The following DIAPH2 variants were observed in gnomAD, a reference collection of about 807,000 sequenced individuals.
The protein encoded by DIAPH2 is protein diaphanous homolog 2.
Under a neutral mutation model 92.7 loss-of-function variants are expected in DIAPH2, and 35 were observed. The ratio of observed to expected loss-of-function variants is 0.38; its 90% CI spans 0.29 to 0.50. The LOEUF (loss-of-function observed/expected upper bound fraction) is 0.50. Among genes scored for constraint, DIAPH2 ranks in the 20% least tolerant of loss-of-function variants. The probability of loss-of-function intolerance (pLI) is 0.94; values close to 1 mark genes in which losing one functional copy is unlikely to be tolerated. For missense variants in DIAPH2, 701 were observed against 819.5 expected, an observed-to-expected ratio of 0.86 and a Z score of 1.77; for synonymous variants, 301 against 280.4, an observed-to-expected ratio of 1.07 and a Z score of -0.73.
chrX:97,371,091 T>C (rs1479625002), intron 24 of DIAPH2, among the ~76,000 whole-genome samples: 2 of 112,049 alleles, frequency 1.8e-5, no homozygotes, highest in African/African-American at 6.5e-5. Flanking sequence ...CTCTTCTTTT[T>C]TGGGGAGGCA....
At chrX:97,494,891 C>T (rs1193421645) in intron 26 of DIAPH2, among the ~76,000 whole-genome samples, 1 of 112,501 alleles carries the variant, frequency 8.9e-6, no homozygotes, top group East Asian at 2.8e-4. Flanking sequence ...GGCTCTGTGC[C>T]TTCTCTCAAT....
rs1311451071 is a variant in DIAPH2 at position 97,348,765 on chromosome X, TA to T, written c.3009+488del. On this transcript the variant is annotated intron_variant, in intron 24 of 26. Coordinates refer to ENST00000324765, the MANE Select transcript of DIAPH2 (RefSeq NM_006729.5). ...TCTTTCACAATGTGGGCTCTTGTTTTAAACTGGAACTCTTGAGGATCACAGT... is the reference window on the plus strand; with the variant it reads ...TCTTTCACAATGTGGGCTCTTGTTTTAACTGGAACTCTTGAGGATCACAGT... 2.7e-5 allele frequency among the ~76,000 whole-genome samples: 3 copies of T among 111,228 alleles called. No individual in the cohort carries two copies. In the Admixed American group the frequency reaches 2.9e-4, roughly 11 times the overall value.
chrX:96,976,147 G>A (rs2065960274), intron 17 of DIAPH2, among the ~76,000 whole-genome samples: 1 of 109,103 alleles, frequency 9.2e-6, no homozygotes, highest in African/African-American at 3.3e-5. Flanking sequence ...TGGTAGCTGG[G>A]ACTATAAGTG....
chrX:96,962,284 T>TACATATATATATACACATATATATATAC (rs2065854836), intron 16 of DIAPH2, among the ~76,000 whole-genome samples: 7 of 73,567 alleles, frequency 9.5e-5, no homozygotes, highest in African/African-American at 3.7e-4. Flanking sequence ...CATATATATA[T>TACATATATATATACACATATATATATAC]ACATATATAT....
At chrX:97,239,930 G>C (rs974210440) in intron 22 of DIAPH2, among the ~76,000 whole-genome samples, 1 of 109,441 alleles carries the variant, frequency 9.1e-6, no homozygotes, top group Non-Finnish European at 1.9e-5. Context: ...AATATTAGAA[G>C]TAGTGTAGGC....
At position 97,059,014 on chromosome X, in the gene DIAPH2, C is replaced by T. The variant is rs191140049; in HGVS notation, c.2051-13927C>T. On this transcript the variant is annotated intron_variant, in intron 17 of 26. Coordinates refer to ENST00000324765, the MANE Select transcript of DIAPH2 (RefSeq NM_006729.5). ...TCATAGAGAAAGTGACATTTGACTTCGGTCTTAATGGATAGATAAAGGTTT... is the reference window on the plus strand; with the variant it reads ...TCATAGAGAAAGTGACATTTGACTTTGGTCTTAATGGATAGATAAAGGTTT... Among the ~76,000 whole-genome samples, 597 of 111,760 alleles carry T rather than the reference C, an allele frequency of 5.3e-3. 5 individuals carry two copies. Among genetic ancestry groups the T allele is most frequent in the African/African-American group, 0.018 (563 of 30,830 alleles).
At chrX:97,311,162 T>C (rs2068790771) in intron 23 of DIAPH2, among the ~76,000 whole-genome samples, 1 of 111,828 alleles carries the variant, frequency 8.9e-6, no homozygotes, top group Admixed American at 9.6e-5. Context: ...CTGAATAATG[T>C]GTTAAGAACA....
intron 26 of DIAPH2, among the ~76,000 whole-genome samples, chrX:97,599,016 T>TATC (rs781587169): frequency 5.3e-5 from 6 of 112,162 alleles, no homozygotes; most frequent in Non-Finnish European, 1.1e-4. Flanking sequence ...CCATTTCTTT[T>TATC]ATCACTCTGA....
At chrX:96,923,039 T>C (rs1328451217) in intron 9 of DIAPH2, among the ~76,000 whole-genome samples, 1 of 111,269 alleles carries the variant, frequency 9.0e-6, no homozygotes, top group Non-Finnish European at 1.9e-5. Flanking sequence ...AATACCAGCA[T>C]CCAGTTGAAA....
chrX:97,164,515 A>G (rs1443909699), intron 22 of DIAPH2, among the ~76,000 whole-genome samples: 1 of 112,238 alleles, frequency 8.9e-6, no homozygotes, highest in Admixed American at 9.4e-5. Flanking sequence ...CCTTAGGTAA[A>G]CTGAAATTGT....
chrX:97,030,996 C>T (rs897657116), intron 17 of DIAPH2, among the ~76,000 whole-genome samples: 1 of 111,561 alleles, frequency 9.0e-6, no homozygotes, highest in African/African-American at 3.3e-5. Context: ...ATTTGATTTC[C>T]TGTTTAGTTT....
At chrX:97,203,007 T>C (rs765443198) in intron 22 of DIAPH2, among the ~76,000 whole-genome samples, 25 of 112,095 alleles carry the variant, frequency 2.2e-4, no homozygotes, top group Admixed American at 4.7e-4. Flanking sequence ...GAACTCAGGA[T>C]TAAGAAACTC....
chrX:96,900,358 A>T (rs567722397), intron 5 of DIAPH2, among the ~76,000 whole-genome samples: 1 of 111,506 alleles, frequency 9.0e-6, no homozygotes, highest in South Asian at 3.8e-4. Context: ...TATCAGATCT[A>T]GGAGCCTTTT....
chrX:97,229,801 A>G (rs4240060), intron 22 of DIAPH2, among the ~76,000 whole-genome samples: 44,798 of 103,168 alleles, frequency 0.43, 8,906 homozygotes, highest in Non-Finnish European at 0.6. Context: ...ATAATAAGAT[A>G]TAATATATTG....
intron 26 of DIAPH2, among the ~76,000 whole-genome samples, chrX:97,531,971 A>C (rs1396728310): frequency 1.8e-5 from 2 of 112,428 alleles, no homozygotes; most frequent in African/African-American, 3.2e-5. Flanking sequence ...TGTCAAATAT[A>C]ATTTGCTATT....
At chrX:97,077,361 G>GT (rs1175816863) in intron 19 of DIAPH2, among the ~76,000 whole-genome samples, 2 of 112,311 alleles carry the variant, frequency 1.8e-5, no homozygotes, top group African/African-American at 6.5e-5. Flanking sequence ...CATTTGAGCT[G>GT]TTTACCATTT....
intron 12 of DIAPH2, 99 bp from the exon 13 acceptor site, chrX:96,941,919 G>GA: frequency 2.0e-6 from 1 of 502,595 alleles, no homozygotes; most frequent in Non-Finnish European, 3.4e-6. Flanking sequence ...AACAACTCCA[G>GA]AAAAAAGACC....
At chrX:97,497,862 GTC>G (rs774631417) in intron 26 of DIAPH2, among the ~76,000 whole-genome samples, 1 of 110,800 alleles carries the variant, frequency 9.0e-6, no homozygotes, top group Non-Finnish European at 1.9e-5. Flanking sequence ...GAGTGAGTGA[GTC>G]TCTCTCTCTA....
At chrX:96,765,965 C>T (rs1162596811) in intron 4 of DIAPH2, among the ~76,000 whole-genome samples, 5 of 111,243 alleles carry the variant, frequency 4.5e-5, no homozygotes, top group Non-Finnish European at 9.4e-5. Flanking sequence ...GATTAAGCTT[C>T]CTGTCAGTCT....
Sources: gnomAD v4.1 joint callset for allele counts (sites outside exome capture counted in the v4.1 genomes callset) on GRCh38, gnomAD v4.1.1 for gene constraint, MANE v1.5 for transcripts, NCBI Gene and HGNC (gene_info 2026-07-23, HGNC 2026-07-21) for gene names.